DGLUCY: variants seen among roughly 807,000 people sequenced by gnomAD.
DGLUCY encodes D-glutamate cyclase, mitochondrial.
In DGLUCY, 58 loss-of-function variants were observed where a neutral mutation model predicts 58.5. That is an observed-to-expected ratio of 0.99 (90% confidence interval 0.80 to 1.23). DGLUCY has a LOEUF of 1.23. DGLUCY is among the 50% of genes most tolerant of loss of function. The pLI is 0.00. For missense variants in DGLUCY, 779 were observed against 784.7 expected (o/e 0.99, Z 0.09); for synonymous variants, 325 against 314.1 (o/e 1.03, Z -0.37).
chr14:91,190,801 C>T (rs912642903), intron 9 of DGLUCY, among the ~76,000 whole-genome samples: 1 of 152,084 alleles, frequency 6.6e-6, no homozygotes, highest in African/African-American at 2.4e-5. Context: ...GGCTTTTGTT[C>T]TGGGTGAGAT....
At chr14:91,132,516 T>C (rs1288365606) in intron 1 of DGLUCY, among the ~76,000 whole-genome samples, 3 of 151,628 alleles carry the variant, frequency 2.0e-5, no homozygotes, top group Non-Finnish European at 4.4e-5. Flanking sequence ...TCTTGCTCTG[T>C]CACCCAGGCT....
chr14:91,117,470 G>T (rs945367727), intron 1 of DGLUCY, among the ~76,000 whole-genome samples: 3 of 152,114 alleles, frequency 2.0e-5, no homozygotes, highest in African/African-American at 7.2e-5. Flanking sequence ...CTTGACTGCT[G>T]GTTTGGCCAC....
intron 10 of DGLUCY, 122 bp from the exon 11 acceptor site, chr14:91,199,635 C>A: frequency 8.6e-7 from 1 of 1,161,234 alleles, no homozygotes; most frequent in Non-Finnish European, 1.2e-6. Flanking sequence ...CCAAGTTCTG[C>A]AGGAATGAAG....
At chr14:91,144,642 A>G (rs536150129) in intron 1 of DGLUCY, among the ~76,000 whole-genome samples, 5 of 152,278 alleles carry the variant, frequency 3.3e-5, no homozygotes, top group South Asian at 4.1e-4. Flanking sequence ...GGGGGATGGA[A>G]TGAGCTGACT....
intron 12 of DGLUCY, 166 bp downstream of exon 12, chr14:91,204,991 A>G (rs983041515): frequency 1.6e-5 from 14 of 872,986 alleles, no homozygotes; most frequent in African/African-American, 1.0e-4. Flanking sequence ...CAGTCATTCA[A>G]CAAACATTTA....
chr14:91,069,749 G>A (rs1160039357), intron 1 of DGLUCY, among the ~76,000 whole-genome samples: 1 of 149,370 alleles, frequency 6.7e-6, no homozygotes, highest in African/African-American at 2.5e-5. Flanking sequence ...CTATTGTGTA[G>A]TTCCATTGTG....
At chr14:91,131,553 G>A (rs2046024815) in intron 1 of DGLUCY, among the ~76,000 whole-genome samples, 1 of 151,924 alleles carries the variant, frequency 6.6e-6, no homozygotes, top group Admixed American at 6.6e-5. Flanking sequence ...TGCCATGTTG[G>A]TGTGCTGCAC....
At chr14:91,207,057 G>T (rs576187961) in intron 12 of DGLUCY, among the ~76,000 whole-genome samples, 1 of 151,616 alleles carries the variant, frequency 6.6e-6, no homozygotes, top group Admixed American at 6.6e-5. Context: ...ACGTGGGGGG[G>T]CTGAGGTGGG....
intron 6 of DGLUCY, among the ~76,000 whole-genome samples, chr14:91,174,190 C>G (rs2048735037): frequency 6.6e-6 from 1 of 152,124 alleles, no homozygotes; most frequent in South Asian, 2.1e-4. Context: ...ATGTAGGTTC[C>G]TAGAGGGTGG....
chr14:91,173,743 C>T (rs1319126294), intron 6 of DGLUCY: 1 of 275,444 alleles, frequency 3.6e-6, no homozygotes, highest in African/African-American at 2.2e-5. Context: ...AGATGCCCCT[C>T]AGGTTTAAAG....
chr14:91,162,877 A>G (rs2048068934), intron 3 of DGLUCY, among the ~76,000 whole-genome samples: 1 of 151,416 alleles, frequency 6.6e-6, no homozygotes, highest in Admixed American at 6.6e-5. Context: ...AGCCTGGGCG[A>G]CAAGAGCGAA....
At chr14:91,171,673 A>G (rs550830917) in intron 5 of DGLUCY, among the ~76,000 whole-genome samples, 1 of 152,380 alleles carries the variant, frequency 6.6e-6, no homozygotes, top group East Asian at 1.9e-4. Context: ...AGACTGTCAC[A>G]GTGGATTATA....
intron 3 of DGLUCY, among the ~76,000 whole-genome samples, chr14:91,161,039 C>T (rs1292564246): frequency 6.6e-6 from 1 of 152,214 alleles, no homozygotes; most frequent in Non-Finnish European, 1.5e-5. Context: ...TATGGGCTAA[C>T]AGAGTTAACT....
chr14:91,126,784 A>T (rs6575179), intron 1 of DGLUCY, among the ~76,000 whole-genome samples: 1 of 152,078 alleles, frequency 6.6e-6, no homozygotes, highest in Non-Finnish European at 1.5e-5. Flanking sequence ...AATTGCATCT[A>T]CAAAGACCCG....
At chr14:91,195,816 G>A (rs559862651) in intron 9 of DGLUCY, among the ~76,000 whole-genome samples, 9 of 151,974 alleles carry the variant, frequency 5.9e-5, no homozygotes, top group African/African-American at 1.2e-4. Flanking sequence ...AACTATAGGC[G>A]CTTGCCATCA....
chr14:91,084,491 C>T (rs2044179095), intron 1 of DGLUCY, among the ~76,000 whole-genome samples: 1 of 152,108 alleles, frequency 6.6e-6, no homozygotes, highest in Non-Finnish European at 1.5e-5. Flanking sequence ...AGGGATGAGC[C>T]ACCACGCCCA....
chr14:91,082,121 A>C (rs78998354), intron 1 of DGLUCY, among the ~76,000 whole-genome samples: 2,872 of 152,316 alleles, frequency 0.019, 39 homozygotes, highest in Middle Eastern at 0.051. Flanking sequence ...GATTGGGGGC[A>C]TATTATTCAG....
chr14:91,074,688 T>C (rs933611176), intron 1 of DGLUCY, among the ~76,000 whole-genome samples: 1 of 152,150 alleles, frequency 6.6e-6, no homozygotes, highest in African/African-American at 2.4e-5. Context: ...GCAAAAGTAA[T>C]TGTCATTTTT....
chr14:91,170,865 A>G (rs541480450), intron 5 of DGLUCY, among the ~76,000 whole-genome samples: 1 of 152,234 alleles, frequency 6.6e-6, no homozygotes, highest in East Asian at 1.9e-4. Context: ...AGGTTTCTTT[A>G]TTTATGGAGG....
Sources: gnomAD v4.1 joint callset for allele counts (sites outside exome capture counted in the v4.1 genomes callset) on GRCh38, gnomAD v4.1.1 for gene constraint, MANE v1.5 for transcripts, NCBI Gene and HGNC (gene_info 2026-07-23, HGNC 2026-07-21) for gene names.